SI: variants seen among roughly 807,000 people sequenced by gnomAD.
SI encodes the protein sucrase-isomaltase, intestinal.
SI carries 235 observed loss-of-function variants against 253.3 expected under a neutral mutation model. The observed-to-expected ratio is 0.93, with a 90% CI of 0.83 to 1.03. The LOEUF is 1.03. SI is among the 50% of genes least tolerant of loss of function. The pLI is 0.00. For synonymous variants in SI, 819 were observed against 712.0 expected (o/e 1.15, Z -2.39); for missense variants, 2,442 against 2,211.1 (o/e 1.10, Z -2.09).
intron 22 of SI, 131 bp from the exon 23 acceptor site, chr3:165,033,575 T>C: frequency 1.1e-6 from 1 of 929,448 alleles, no homozygotes; most frequent in East Asian, 3.5e-5. Flanking sequence ...CCCAAACAGA[T>C]TTTGTTTTTA....
intron 45 of SI, among the ~76,000 whole-genome samples, chr3:164,983,329 T>C (rs1717287076): frequency 6.6e-6 from 1 of 152,076 alleles, no homozygotes; most frequent in Non-Finnish European, 1.5e-5. Flanking sequence ...AAAATAATTT[T>C]CACACACAAC....
chr3:165,078,201 A>C (rs1216914660), intron 1 of SI, among the ~76,000 whole-genome samples: 1 of 151,472 alleles, frequency 6.6e-6, no homozygotes, highest in Non-Finnish European at 1.5e-5. Flanking sequence ...AGTCTTACAA[A>C]AGTTATAATG....
At chr3:165,054,154 G>A (rs748394056) in intron 13 of SI, among the ~76,000 whole-genome samples, 1 of 152,052 alleles carries the variant, frequency 6.6e-6, no homozygotes, top group Non-Finnish European at 1.5e-5. Context: ...TAATAAATAA[G>A]TGAATAATTA....
chr3:164,983,189 C>A, intron 45 of SI, 138 bp from the exon 46 acceptor site: 1 of 813,168 alleles, frequency 1.2e-6, no homozygotes, highest in Non-Finnish European at 1.8e-6. Flanking sequence ...TTCTCTAAGC[C>A]TATTTAACTA....
rs548056933 is a variant in SI at position 165,045,419 on chromosome 3, A to G, written c.1887+1422T>C. 6.6e-5 allele frequency among the ~76,000 whole-genome samples: 10 copies of G among 152,222 alleles called. No individual in the cohort carries two copies. The South Asian group carries it at 2.1e-3, about 32-fold the overall frequency. ...CAGTTTATTAATTGGTTGCTATAAT[A>G]AGTGACACCTTATACTAAAATACAT... On this transcript the variant is annotated intron_variant, in intron 16 of 47. Transcript: ENST00000264382.
At chr3:165,012,423 G>C (rs542847909) in intron 34 of SI, among the ~76,000 whole-genome samples, 7 of 151,760 alleles carry the variant, frequency 4.6e-5, no homozygotes, top group Non-Finnish European at 7.4e-5. Context: ...ATTTTTTGTC[G>C]TTGTTGTTTT....
chr3:165,022,535 TCA>T (rs10686237), intron 26 of SI, among the ~76,000 whole-genome samples: 4,561 of 137,884 alleles, frequency 0.033, 90 homozygotes, highest in African/African-American at 0.057. Context: ...TTGTGCCATC[TCA>T]CACACACACA....
intron 36 of SI, 58 bp from the exon 37 acceptor site, chr3:165,007,012 T>C (rs2108155362): frequency 8.3e-7 from 1 of 1,201,982 alleles, no homozygotes; most frequent in Middle Eastern, 2.6e-4. Flanking sequence ...CAATGAAACG[T>C]GTAACTCATA....
chr3:165,073,762 CA>C (rs773162502), intron 3 of SI, among the ~76,000 whole-genome samples: 3 of 151,938 alleles, frequency 2.0e-5, no homozygotes, highest in Non-Finnish European at 2.9e-5. Flanking sequence ...AAAAACAATA[CA>C]TTATAACAAT....
In SI at chr3:164,993,924, G is replaced by A. The variant is rs978218129; in HGVS notation, c.4841+333C>T. Among the ~76,000 whole-genome samples, 10 of 151,354 alleles carry A rather than the reference G, an allele frequency of 6.6e-5. No individual in the cohort carries two copies. The East Asian group carries it at 1.6e-3, about 23-fold the overall frequency. On this transcript the variant is annotated intron_variant, in intron 41 of 47. Transcript: ENST00000264382. ...AACCGTGATTAATTAAATCATGAGG[G>A]GCATTACTTATCTCCCTGGAAATGT...
In SI at chr3:165,074,641, C is replaced by A. The variant is rs200550132; in HGVS notation, c.145G>T (p.Ala49Ser). The A allele has an allele frequency of 3.1e-6, 5 of 1,610,240 alleles. No individual in the cohort carries two copies. The highest frequency in any genetic ancestry group is 1.7e-6 in the Non-Finnish European group (2 of 1,177,394). The change falls in exon 3 of 48, where the codon GCT (alanine) becomes TCT (serine). Residue 49 changes from alanine (A) to serine (S), a missense_variant. By Grantham distance (99) the Ala-to-Ser change is moderately conservative (BLOSUM62 1). Transcript: ENST00000264382. ...GGATTTGTAGTCACACGAGTAGTAG[C>A]TGGAGTTGAAGTAGAATCACTAATT... ...DEISDSTSTP[A>S]TTRVTTNPSD...
At chr3:165,019,360 T>A (rs1719193564) in intron 28 of SI, among the ~76,000 whole-genome samples, 2 of 151,886 alleles carry the variant, frequency 1.3e-5, no homozygotes, top group Non-Finnish European at 2.9e-5. Context: ...AGGTATTGAG[T>A]CAAAGCCTGG....
upstream of SI, among the ~76,000 whole-genome samples, chr3:165,081,963 T>C (rs933383619): frequency 3.9e-5 from 6 of 152,006 alleles, no homozygotes; most frequent in African/African-American, 1.4e-4. Flanking sequence ...AAATAAGGCA[T>C]ATACAAGTGC....
chr3:165,071,474 A>G (rs969015347), intron 3 of SI, among the ~76,000 whole-genome samples: 2 of 151,254 alleles, frequency 1.3e-5, no homozygotes, highest in African/African-American at 4.8e-5. Flanking sequence ...ATATATATGT[A>G]TATACATTAT....
chr3:165,088,545 G>A, the SI span, among the ~76,000 whole-genome samples: 3 of 151,802 alleles, frequency 2.0e-5, no homozygotes, highest in Non-Finnish European at 2.9e-5. Context: ...GGAGGCTGAG[G>A]CAGAAGAATC....
At position 165,016,059 on chromosome 3, in the gene SI, C is replaced by T. The variant is rs149783130; in HGVS notation, c.3781G>A (p.Asp1261Asn). The T allele has an allele frequency of 1.4e-4, 225 of 1,612,930 alleles. 2 individuals carry two copies. The African/African-American group carries it at 2.7e-3, about 20-fold the overall frequency. The change falls in exon 32 of 48, where the codon GAC becomes AAC. Residue 1261 changes from aspartate to asparagine, a missense_variant. Transcript: ENST00000264382. Reference protein sequence around the residue: ...IPYDVQYTDIDYMERQLDFTI... With the variant: ...IPYDVQYTDINYMERQLDFTI... ...AAGTCTAGCTGCCTTTCCATGTAGT[C>T]AATGTCTGTGTACTGAACATCCTGA...
At chr3:165,034,952 G>C (rs1266302602) in intron 22 of SI, among the ~76,000 whole-genome samples, 1 of 151,922 alleles carries the variant, frequency 6.6e-6, no homozygotes, top group Non-Finnish European at 1.5e-5. Context: ...CATGAAAGAT[G>C]GTGGTGACAG....
the SI span, among the ~76,000 whole-genome samples, chr3:165,090,053 G>A: frequency 3.9e-5 from 6 of 152,108 alleles, no homozygotes; most frequent in South Asian, 1.2e-3. Context: ...AAATGTACAT[G>A]TGGAAATTTT....
intron 7 of SI, among the ~76,000 whole-genome samples, chr3:165,063,973 G>A (rs1714099820): frequency 6.6e-6 from 1 of 151,406 alleles, no homozygotes; most frequent in Non-Finnish European, 1.5e-5. Flanking sequence ...AGGAGGCTCA[G>A]GCAGGAGAAT....
Sources: gnomAD v4.1 joint callset for allele counts (sites outside exome capture counted in the v4.1 genomes callset) on GRCh38, gnomAD v4.1.1 for gene constraint, MANE v1.5 for transcripts, NCBI Gene and HGNC (gene_info 2026-07-23, HGNC 2026-07-21) for gene names.